PLCB4: variants seen among roughly 807,000 people sequenced by gnomAD.
PLCB4 encodes the protein phospholipase C beta 4.
PLCB4 carries 77 observed loss-of-function variants against 178.8 expected under a neutral mutation model. The observed-to-expected ratio is 0.43, with a 90% CI of 0.36 to 0.52. The LOEUF is 0.52. PLCB4 is among the 20% of genes least tolerant of loss of function. PLCB4 has a pLI of 0.00. For synonymous variants in PLCB4, 496 were observed against 490.8 expected (o/e 1.01, Z -0.14); for missense variants, 1,024 against 1,453.4 (o/e 0.70, Z 4.80).
At chr20:9,119,595 C>T (rs942203633) in intron 2 of PLCB4, among the ~76,000 whole-genome samples, 2 of 151,444 alleles carry the variant, frequency 1.3e-5, no homozygotes, top group African/African-American at 2.4e-5. Context: ...AGGATCCCAT[C>T]GAAATCATTT....
chr20:9,230,372 A>C (rs995840957), intron 3 of PLCB4, among the ~76,000 whole-genome samples: 2 of 152,114 alleles, frequency 1.3e-5, no homozygotes, highest in Non-Finnish European at 2.9e-5. Flanking sequence ...TAAGCAGTAT[A>C]GGGGTAAAGG....
chr20:9,402,814 C>A (rs148144837), intron 20 of PLCB4, among the ~76,000 whole-genome samples: 283 of 152,182 alleles, frequency 1.9e-3, no homozygotes, highest in African/African-American at 6.6e-3. Context: ...GGTGATGGTA[C>A]CATTTACTGG....
chr20:9,202,327 A>C (rs190505425), intron 2 of PLCB4, among the ~76,000 whole-genome samples: 53 of 152,310 alleles, frequency 3.5e-4, no homozygotes, highest in African/African-American at 1.0e-3. Context: ...GCATTTGCCA[A>C]ACTCACAGCA....
At chr20:9,081,205 C>G (rs777099515) in intron 1 of PLCB4, among the ~76,000 whole-genome samples, 1 of 152,112 alleles carries the variant, frequency 6.6e-6, no homozygotes, top group African/African-American at 2.4e-5. Flanking sequence ...CATCTTTGCC[C>G]GTTGACTCCA....
intron 2 of PLCB4, among the ~76,000 whole-genome samples, chr20:9,107,838 A>G (rs1371399699): frequency 6.6e-6 from 1 of 152,070 alleles, no homozygotes; most frequent in African/African-American, 2.4e-5. Flanking sequence ...GAGAATCAGG[A>G]GGTTATGTTC....
chr20:9,454,112 G>T (rs542180160), intron 33 of PLCB4, among the ~76,000 whole-genome samples: 11 of 152,268 alleles, frequency 7.2e-5, no homozygotes, highest in African/African-American at 2.6e-4. Context: ...GAAGAGAGCT[G>T]GTCAGTTGTT....
At chr20:9,365,375 A>G (rs1458515980) in intron 8 of PLCB4, 86 bp from the exon 9 acceptor site, 3 of 803,316 alleles carry the variant, frequency 3.7e-6, no homozygotes, top group South Asian at 3.3e-5. Flanking sequence ...CTTGATTTAA[A>G]TGAACTTTCT....
intron 2 of PLCB4, among the ~76,000 whole-genome samples, chr20:9,178,443 C>A (rs912841420): frequency 6.6e-6 from 1 of 151,858 alleles, no homozygotes; most frequent in Non-Finnish European, 1.5e-5. Context: ...ATTTTATCAG[C>A]ACTTATGTGA....
intron 2 of PLCB4, among the ~76,000 whole-genome samples, chr20:9,130,181 G>T (rs1410787932): frequency 6.6e-6 from 1 of 152,110 alleles, no homozygotes; most frequent in East Asian, 1.9e-4. Flanking sequence ...TTCTAGGGAG[G>T]TGTGAAGTTC....
At chr20:9,436,386 C>G (rs564376418) in intron 29 of PLCB4, among the ~76,000 whole-genome samples, 1 of 152,206 alleles carries the variant, frequency 6.6e-6, no homozygotes. Flanking sequence ...GGATCTCGCT[C>G]TGTTTCCCAG....
intron 2 of PLCB4, among the ~76,000 whole-genome samples, chr20:9,131,153 G>T (rs1409597201): frequency 2.0e-5 from 3 of 152,102 alleles, no homozygotes; most frequent in Non-Finnish European, 4.4e-5. Flanking sequence ...AGAATGATCA[G>T]TTCTTTCTGT....
chr20:9,206,917 G>A (rs2093621510), intron 2 of PLCB4, among the ~76,000 whole-genome samples: 1 of 152,232 alleles, frequency 6.6e-6, no homozygotes, highest in Non-Finnish European at 1.5e-5. Flanking sequence ...AGGAGTTCGA[G>A]ACCAGCTTAG....
intron 4 of PLCB4, among the ~76,000 whole-genome samples, chr20:9,324,599 G>A (rs1255474233): frequency 6.6e-6 from 1 of 152,150 alleles, no homozygotes; most frequent in Admixed American, 6.5e-5. Flanking sequence ...AGGGTAAGAG[G>A]TCCTCAGGAT....
chr20:9,328,595 A>G (rs1378513188), intron 4 of PLCB4, among the ~76,000 whole-genome samples: 1 of 152,198 alleles, frequency 6.6e-6, no homozygotes, highest in Non-Finnish European at 1.5e-5. Flanking sequence ...CTGAGCAGTT[A>G]CCTGAGCCGA....
At chr20:9,465,338 G>T (rs2043697966) in intron 35 of PLCB4, among the ~76,000 whole-genome samples, 1 of 152,134 alleles carries the variant, frequency 6.6e-6, no homozygotes, top group South Asian at 2.1e-4. Flanking sequence ...TACTGAATGG[G>T]CAAAAACTGG....
At chr20:9,408,912 A>C (rs1435285694) in intron 23 of PLCB4, 145 bp from the exon 24 acceptor site, 1 of 780,498 alleles carries the variant, frequency 1.3e-6, no homozygotes, top group Admixed American at 2.6e-5. Context: ...CTGTGATCTT[A>C]AGCATCATTT....
At chr20:9,161,455 C>G (rs116489745) in intron 2 of PLCB4, among the ~76,000 whole-genome samples, 3,011 of 152,270 alleles carry the variant, frequency 0.02, 99 homozygotes, top group African/African-American at 0.067. Flanking sequence ...GATGCCAACC[C>G]AGGTTTGTTG....
At chr20:9,296,101 C>T (rs7361091) in intron 3 of PLCB4, among the ~76,000 whole-genome samples, 4,637 of 152,260 alleles carry the variant, frequency 0.03, 131 homozygotes, top group African/African-American at 0.062. Flanking sequence ...TTTTTGCAAT[C>T]TGCTCATCTG....
At chr20:9,230,820 A>G (rs1315682673) in intron 3 of PLCB4, among the ~76,000 whole-genome samples, 4 of 152,094 alleles carry the variant, frequency 2.6e-5, no homozygotes, top group African/African-American at 4.8e-5. Context: ...AGAGTACGAG[A>G]GCAAAACCAT....
Sources: allele counts gnomAD v4.1 joint callset (sites outside exome capture counted in the v4.1 genomes callset), GRCh38; gene constraint gnomAD v4.1.1; transcripts MANE v1.5; gene names NCBI Gene and HGNC (gene_info 2026-07-23, HGNC 2026-07-21).